Variants in GLIS3 observed in about 807,000 individuals in gnomAD.
GLIS3 encodes zinc finger protein GLIS3.
Under a neutral mutation model 78.6 loss-of-function variants are expected in GLIS3, and 53 were observed. That is an observed-to-expected ratio of 0.67 (90% CI 0.54 to 0.85). GLIS3 has a LOEUF of 0.85. GLIS3 is among the 40% of genes least tolerant of loss of function. GLIS3 has a pLI of 0.00. For synonymous variants in GLIS3, 684 were observed against 509.9 expected (o/e 1.34, Z -4.60); for missense variants, 1,703 against 1,231.1 (o/e 1.38, Z -5.74).
chr9:4,380,249 ACTGTTTCTTTTTT>A, the GLIS3 span, among the ~76,000 whole-genome samples: 1 of 152,196 alleles, frequency 6.6e-6, no homozygotes, highest in Non-Finnish European at 1.5e-5. Context: ...CATGTATTTA[ACTGTTTCTTTTTT>A]AAATAACTCT....
intron 4 of GLIS3, among the ~76,000 whole-genome samples, chr9:4,108,817 C>G (rs1830977108): frequency 6.6e-6 from 1 of 152,156 alleles, no homozygotes; most frequent in Admixed American, 6.6e-5. Flanking sequence ...ATCAGATGCC[C>G]TCTCTAGAAC....
At chr9:4,213,797 C>T (rs1239592193) in intron 2 of GLIS3, among the ~76,000 whole-genome samples, 1 of 151,892 alleles carries the variant, frequency 6.6e-6, no homozygotes, top group Non-Finnish European at 1.5e-5. Context: ...TTTATTCATT[C>T]ATCCAATAAA....
chr9:4,099,565 C>G (rs1226734181), intron 4 of GLIS3, among the ~76,000 whole-genome samples: 2 of 152,154 alleles, frequency 1.3e-5, no homozygotes. Context: ...TCTCTAAAGA[C>G]CGTGTTTTCA....
chr9:4,316,848 T>C (rs10814928), intron 2 of GLIS3, among the ~76,000 whole-genome samples: 63,357 of 152,020 alleles, frequency 0.42, 13,950 homozygotes, highest in African/African-American at 0.57. Context: ...GTGTTTAATA[T>C]GAGAAGTGTT....
chr9:4,368,465 C>T, the GLIS3 span, among the ~76,000 whole-genome samples: 6 of 152,164 alleles, frequency 3.9e-5, no homozygotes, highest in Admixed American at 2.6e-4. Flanking sequence ...TTGCCTCAGC[C>T]TCCCAAGTAG....
intron 2 of GLIS3, among the ~76,000 whole-genome samples, chr9:4,269,751 T>C (rs917055053): frequency 1.7e-4 from 26 of 152,336 alleles, no homozygotes; most frequent in African/African-American, 5.5e-4. Context: ...AATAATGCTG[T>C]CTATTAATTT....
chr9:3,880,309 C>T (rs186359826), intron 7 of GLIS3, among the ~76,000 whole-genome samples: 214 of 152,256 alleles, frequency 1.4e-3, no homozygotes, highest in African/African-American at 4.9e-3. Flanking sequence ...GCCTAGCCTT[C>T]GAGAACGGTA....
intron 9 of GLIS3, among the ~76,000 whole-genome samples, chr9:3,836,205 T>C (rs540063122): frequency 1.3e-5 from 2 of 152,176 alleles, no homozygotes; most frequent in Non-Finnish European, 2.9e-5. Flanking sequence ...AGTTTGTGCC[T>C]GGGTAGAAGA....
intron 4 of GLIS3, among the ~76,000 whole-genome samples, chr9:4,077,409 G>C (rs1828169794): frequency 6.6e-6 from 1 of 152,200 alleles, no homozygotes; most frequent in South Asian, 2.1e-4. Context: ...GCATGTCTTA[G>C]AGACAGGAGA....
At chr9:4,259,924 T>C (rs1043661005) in intron 2 of GLIS3, among the ~76,000 whole-genome samples, 2 of 152,264 alleles carry the variant, frequency 1.3e-5, no homozygotes, top group African/African-American at 4.8e-5. Context: ...ACTTATGCTC[T>C]TAACTGCTGA....
the GLIS3 span, among the ~76,000 whole-genome samples, chr9:4,453,971 A>C: frequency 9.9e-5 from 15 of 152,278 alleles, no homozygotes; most frequent in East Asian, 1.7e-3. Context: ...CGTTGTGCAC[A>C]TGTACCCTAG....
intron 2 of GLIS3, among the ~76,000 whole-genome samples, chr9:4,327,973 A>G (rs1817627571): frequency 6.7e-6 from 1 of 148,398 alleles, no homozygotes; most frequent in South Asian, 2.2e-4. Flanking sequence ...GAAAAAGGAA[A>G]GTAGGAAGGC....
At chr9:4,374,597 T>G in the GLIS3 span, among the ~76,000 whole-genome samples, 10 of 152,172 alleles carry the variant, frequency 6.6e-5, no homozygotes, top group African/African-American at 2.4e-4. Context: ...CTATTCCCCC[T>G]TCCTCCTCTG....
chr9:4,078,075 G>A (rs537270722), intron 4 of GLIS3, among the ~76,000 whole-genome samples: 1 of 152,120 alleles, frequency 6.6e-6, no homozygotes, highest in Non-Finnish European at 1.5e-5. Flanking sequence ...GACCCTGAAT[G>A]ATATGGTCCC....
At chr9:4,281,864 C>G (rs1363732851) in intron 2 of GLIS3, among the ~76,000 whole-genome samples, 1 of 152,162 alleles carries the variant, frequency 6.6e-6, no homozygotes, top group Non-Finnish European at 1.5e-5. Flanking sequence ...CAAAGGATAT[C>G]ACATATCCCT....
At chr9:4,459,736 C>G in the GLIS3 span, among the ~76,000 whole-genome samples, 2 of 152,126 alleles carry the variant, frequency 1.3e-5, no homozygotes, top group East Asian at 3.9e-4. Flanking sequence ...TGAGCCACTG[C>G]AGCCCATGGC....
At chr9:3,952,495 G>C (rs1042923445) in intron 4 of GLIS3, among the ~76,000 whole-genome samples, 2 of 152,076 alleles carry the variant, frequency 1.3e-5, no homozygotes, top group Admixed American at 1.3e-4. Context: ...ACAAATTTCA[G>C]TAGCCATCTG....
At chr9:4,177,755 G>C (rs1358276062) in intron 2 of GLIS3, among the ~76,000 whole-genome samples, 1 of 152,198 alleles carries the variant, frequency 6.6e-6, no homozygotes, top group Non-Finnish European at 1.5e-5. Flanking sequence ...AAGTGTTCCT[G>C]GTGGGTTTGG....
chr9:4,305,280 T>A (rs1296785274), intron 4 of GLIS3: 3 of 151,916 alleles, frequency 2.0e-5, no homozygotes, highest in Admixed American at 6.6e-5. Context: ...GGAAGAAGAG[T>A]GGACTTTGGA....
Sources: allele counts gnomAD v4.1 joint callset (sites outside exome capture counted in the v4.1 genomes callset), GRCh38; gene constraint gnomAD v4.1.1; transcripts MANE v1.5; gene names NCBI Gene and HGNC (gene_info 2026-07-23, HGNC 2026-07-21).